The following LIPA variants were observed in gnomAD, a reference collection of about 807,000 sequenced individuals.
The protein encoded by LIPA is lipase A, lysosomal acid type.
Under a neutral mutation model 40.6 loss-of-function variants are expected in LIPA, and 26 were observed. The ratio of observed to expected loss-of-function variants is 0.64; its 90% CI spans 0.47 to 0.89. The LOEUF (loss-of-function observed/expected upper bound fraction) is 0.89. LIPA is among the 40% of genes least tolerant of loss of function. The probability of loss-of-function intolerance (pLI) is 0.00; values close to 1 mark genes in which losing one functional copy is unlikely to be tolerated. For missense variants in LIPA, 455 were observed against 479.6 expected (o/e 0.95, Z 0.48); for synonymous variants, 188 against 168.4 (o/e 1.12, Z -0.90).
At chr10:89,345,938 A>G (rs966923597), upstream of LIPA, among the ~76,000 whole-genome samples, 1 of 152,232 alleles carries the variant, frequency 6.6e-6, no homozygotes, top group Non-Finnish European at 1.5e-5. Context: ...CTAATCCTCA[A>G]ATACATGAAT....
chr10:89,247,882 A>ATTTATTTATT, intron 1 of LIPA: 2 of 168,362 alleles, frequency 1.2e-5, no homozygotes, highest in Non-Finnish European at 2.4e-5. Context: ...TTATTTATTT[A>ATTTATTTATT]TGTTGAGATG....
intron 1 of LIPA, among the ~76,000 whole-genome samples, chr10:89,309,838 T>C (rs1182623479): frequency 6.6e-6 from 1 of 152,234 alleles, no homozygotes; most frequent in Non-Finnish European, 1.5e-5. Flanking sequence ...GTCACATTAA[T>C]TGGGCTTGAC....
In LIPA at chr10:89,307,339, C is replaced by A; in HGVS notation, c.-2+35272G>T. 1.9e-6 allele frequency: 3 copies of A among 1,609,164 alleles called. No individual in the cohort carries two copies. The South Asian group carries it at 3.3e-5, about 18-fold the overall frequency. ...CTGAGAGGGGTTTGGAGTCTGGAAG[C>A]CTCATCCCTTCAGCATCAAGCTGGA... On this transcript the variant is annotated intron_variant, in intron 1 of 5. Coordinates refer to the LIPA transcript ENST00000282673.
At chr10:89,353,943 A>G (rs1443669953) in intron 2 of LIPA, among the ~76,000 whole-genome samples, 2 of 152,046 alleles carry the variant, frequency 1.3e-5, no homozygotes, top group African/African-American at 2.4e-5. Flanking sequence ...TCCGTCTCAA[A>G]AAAAAAAAAG....
At chr10:89,276,361 C>T (rs147654511) in intron 1 of LIPA, among the ~76,000 whole-genome samples, 92 of 152,330 alleles carry the variant, frequency 6.0e-4, no homozygotes, top group Non-Finnish European at 1.1e-3. Context: ...TGAGCTAAGA[C>T]ATTTCTCAAC....
intron 5 of LIPA, 110 bp from the exon 6 acceptor site, chr10:89,225,338 G>A: frequency 2.3e-6 from 3 of 1,309,822 alleles, no homozygotes; most frequent in Non-Finnish European, 3.3e-6. Context: ...TGAGACCCAC[G>A]CAAACAATAC....
intron 1 of LIPA, among the ~76,000 whole-genome samples, chr10:89,302,932 C>T (rs1265265151): frequency 1.3e-5 from 2 of 151,500 alleles, no homozygotes; most frequent in Non-Finnish European, 2.9e-5. Flanking sequence ...GACACCTTGC[C>T]CTCTGTCTGT....
intron 1 of LIPA, chr10:89,327,999 A>G: frequency 1.3e-6 from 2 of 1,531,216 alleles, no homozygotes; most frequent in Admixed American, 1.7e-5. Context: ...TACTTGAGGC[A>G]GACAGGAAGA....
At chr10:89,356,649 G>A (rs1373389048) in intron 2 of LIPA, among the ~76,000 whole-genome samples, 1 of 152,174 alleles carries the variant, frequency 6.6e-6, no homozygotes, top group Non-Finnish European at 1.5e-5. Flanking sequence ...CTAGTTGCAG[G>A]AAAACAAGCT....
intron 1 of LIPA, among the ~76,000 whole-genome samples, chr10:89,413,665 G>A (rs1841497060): frequency 6.6e-6 from 1 of 151,906 alleles, no homozygotes; most frequent in Non-Finnish European, 1.5e-5. Flanking sequence ...CACTCAGGAG[G>A]CTGAGGTGGG....
intron 2 of LIPA, chr10:89,383,603 C>T (rs1276687618): frequency 3.7e-6 from 6 of 1,614,074 alleles, no homozygotes; most frequent in African/African-American, 1.3e-5. Flanking sequence ...AGTCTGGTGA[C>T]CTGGGGCAAC....
chr10:89,380,864 C>A lies in LIPA; in HGVS notation c.61+31927G>T, dbSNP rs540065436. ...ACACCTCTAGGGTGATATTCTACTC[C>A]TTAGTCTTCCCAGGGCCCAAGTCAA... On this transcript the variant is annotated intron_variant, in intron 2 of 8. Coordinates refer to the LIPA transcript ENST00000371837. Among the ~76,000 whole-genome samples the A allele has an allele frequency of 2.0e-5, 3 of 152,276 alleles. No individual in the cohort carries two copies. The South Asian group carries it at 6.2e-4, about 32-fold the overall frequency.
Position 89,363,680 on chromosome 10 carries a change from G to C in LIPA, c.61+49111C>G, listed in dbSNP as rs554783982. On this transcript the variant is annotated intron_variant, in intron 2 of 8. Coordinates refer to the LIPA transcript ENST00000371837. ...TTGTCCCAGCTACTCGGGAGGCTGAGGCAGGAGAATGGCGTGAACCCGAGA... is the reference window on the plus strand; with the variant it reads ...TTGTCCCAGCTACTCGGGAGGCTGACGCAGGAGAATGGCGTGAACCCGAGA... Among the ~76,000 whole-genome samples the C allele has an allele frequency of 2.6e-5, 4 of 151,422 alleles. No homozygotes were observed. In the South Asian group the frequency reaches 8.4e-4, roughly 32 times the overall value.
At chr10:89,412,697 C>T (rs936999643) in intron 2 of LIPA, 8 of 422,508 alleles carry the variant, frequency 1.9e-5, no homozygotes, top group South Asian at 3.3e-5. Context: ...CCGGGAGGAA[C>T]GAACAACTCC....
At chr10:89,348,807 G>A (rs532233696) in intron 2 of LIPA, among the ~76,000 whole-genome samples, 1 of 152,242 alleles carries the variant, frequency 6.6e-6, no homozygotes, top group African/African-American at 2.4e-5. Context: ...CCATGCCTGC[G>A]TGGGGGTCCT....
At chr10:89,387,113 G>A (rs572672909) in intron 2 of LIPA, among the ~76,000 whole-genome samples, 1 of 152,032 alleles carries the variant, frequency 6.6e-6, no homozygotes, top group South Asian at 2.1e-4. Context: ...TCAGGAGATC[G>A]AGACCATCCT....
intron 1 of LIPA, among the ~76,000 whole-genome samples, chr10:89,280,537 AT>A (rs903354332): frequency 7.2e-5 from 11 of 152,196 alleles, no homozygotes; most frequent in African/African-American, 2.7e-4. Flanking sequence ...CTCAATTCTA[AT>A]TTTGTGATCT....
At chr10:89,413,946 G>A (rs376942410) in intron 1 of LIPA, among the ~76,000 whole-genome samples, 2 of 152,272 alleles carry the variant, frequency 1.3e-5, no homozygotes, top group South Asian at 2.1e-4. Flanking sequence ...TTTGCTGAAT[G>A]AATTCAAAGG....
chr10:89,231,590 C>T, intron 3 of LIPA, among the ~76,000 whole-genome samples: 1 of 152,100 alleles, frequency 6.6e-6, no homozygotes, highest in Non-Finnish European at 1.5e-5. Context: ...CCTCCCACCT[C>T]AGGCCCCTGA....
Sources: gnomAD v4.1 joint callset for allele counts (sites outside exome capture counted in the v4.1 genomes callset) on GRCh38, gnomAD v4.1.1 for gene constraint, MANE v1.5 for transcripts, NCBI Gene and HGNC (gene_info 2026-07-23, HGNC 2026-07-21) for gene names.